Variants in COL24A1 observed in about 807,000 individuals in gnomAD.
The protein encoded by COL24A1 is collagen alpha-1(XXIV) chain.
Under a neutral mutation model 253.9 loss-of-function variants are expected in COL24A1, and 224 were observed. The observed-to-expected ratio is 0.88, with a 90% CI of 0.79 to 0.99. The LOEUF (loss-of-function observed/expected upper bound fraction) is 0.99, where lower values mean the gene tolerates loss of function less well. Among genes scored for constraint, COL24A1 ranks in the 50% least tolerant of loss-of-function variants. The pLI, the probability that COL24A1 is intolerant of heterozygous loss-of-function variation, is 0.00. For missense variants in COL24A1, 2,131 were observed against 2,068.5 expected (o/e 1.03, Z -0.59); for synonymous variants, 685 against 673.7 (o/e 1.02, Z -0.26).
Position 85,803,089 on chromosome 1 carries a change from T to C in COL24A1, c.3951+13699A>G, listed in dbSNP as rs547990036. Among the ~76,000 whole-genome samples, 199 of 152,316 alleles carry C rather than the reference T, an allele frequency of 1.3e-3. 1 individual carries two copies. Among genetic ancestry groups the C allele is most frequent in the Non-Finnish European group, 2.0e-3 (138 of 68,032 alleles). ...TTCTCTTGGCTAGGAATAGAATGGC[T>C]GGGTTATATGTTAGAAATATGTTAA... On this transcript the variant is annotated intron_variant, in intron 47 of 59. Coordinates refer to ENST00000370571, the MANE Select transcript of COL24A1 (RefSeq NM_152890.7).
intron 10 of COL24A1, among the ~76,000 whole-genome samples, chr1:86,056,422 C>A (rs1700665783): frequency 6.6e-6 from 1 of 152,134 alleles, no homozygotes; most frequent in African/African-American, 2.4e-5. Flanking sequence ...CAGGCCTGTT[C>A]TCCTACATCA....
In COL24A1 at chr1:86,077,732, C is replaced by A. The variant is rs142914389; in HGVS notation, c.1707+11442G>T. 2.5e-3 allele frequency among the ~76,000 whole-genome samples: 375 copies of A among 151,990 alleles called. 10 individuals are homozygous for A. The East Asian group carries it at 0.046, about 19-fold the overall frequency. The stretch of plus-strand genomic sequence containing the variant: ...AAACCATCATTCTTAGCAAACTAAC[C>A]CAGGAACAGAAAACAAAACACTGCA... On this transcript the variant is annotated intron_variant, in intron 7 of 59. Coordinates refer to ENST00000370571, the MANE Select transcript of COL24A1 (RefSeq NM_152890.7).
At chr1:85,769,303 A>C (rs887221275) in intron 53 of COL24A1, among the ~76,000 whole-genome samples, 1 of 152,222 alleles carries the variant, frequency 6.6e-6, no homozygotes, top group Non-Finnish European at 1.5e-5. Flanking sequence ...ACAACAAAAA[A>C]CAAATAAATA....
chr1:85,827,606 G>A (rs139368232), intron 43 of COL24A1, among the ~76,000 whole-genome samples: 1,601 of 152,010 alleles, frequency 0.011, 27 homozygotes, highest in African/African-American at 0.036. Flanking sequence ...ATTTCAGCTC[G>A]TTATTGATCT....
At chr1:85,997,055 G>GTGTGTGTGTGTGTGTGTGTGTATATATA in intron 19 of COL24A1, among the ~76,000 whole-genome samples, 1 of 95,120 alleles carries the variant, frequency 1.1e-5, no homozygotes, top group Non-Finnish European at 2.4e-5. Context: ...GTGTGTGTGT[G>GTGTGTGTGTGTGTGTGTGTGTATATATA]TATATATATA....
At chr1:85,796,780 T>C (rs1348478924) in intron 47 of COL24A1, among the ~76,000 whole-genome samples, 1 of 152,226 alleles carries the variant, frequency 6.6e-6, no homozygotes, top group Non-Finnish European at 1.5e-5. Flanking sequence ...TTGATTCTTA[T>C]AAAAACCATA....
chr1:85,856,993 A>C (rs546356214), intron 37 of COL24A1, among the ~76,000 whole-genome samples: 1 of 152,204 alleles, frequency 6.6e-6, no homozygotes, highest in African/African-American at 2.4e-5. Context: ...AAAGAGAAGC[A>C]TGGAGGTTTT....
chr1:86,030,747 T>C (rs1201868673), intron 14 of COL24A1, among the ~76,000 whole-genome samples: 1 of 132,960 alleles, frequency 7.5e-6, no homozygotes, highest in African/African-American at 3.0e-5. Context: ...TTCTTTTTTC[T>C]TTCTTTTTTT....
intron 2 of COL24A1, among the ~76,000 whole-genome samples, chr1:86,132,804 C>T (rs1233547731): frequency 6.6e-6 from 1 of 152,110 alleles, no homozygotes; most frequent in Non-Finnish European, 1.5e-5. Context: ...TAGTGTGATG[C>T]CTCCAGCTTT....
chr1:85,803,087 G>C (rs1671601090), intron 47 of COL24A1, among the ~76,000 whole-genome samples: 2 of 152,126 alleles, frequency 1.3e-5, no homozygotes, highest in African/African-American at 4.8e-5. Flanking sequence ...GAATAGAATG[G>C]CTGGGTTATA....
At chr1:86,029,748 A>G (rs76052536) in intron 14 of COL24A1, 13,178 of 151,816 alleles carry the variant, frequency 0.087, 703 homozygotes, top group Middle Eastern at 0.18. Flanking sequence ...CCTAAACAGC[A>G]GAGACTACAG....
chr1:85,771,151 G>A lies in COL24A1; in HGVS notation c.4374+4523C>T, dbSNP rs926104968. On this transcript the variant is annotated intron_variant, in intron 53 of 59. Coordinates refer to ENST00000370571, the MANE Select transcript of COL24A1 (RefSeq NM_152890.7). ...AAGTTCTGGGTTACATGTGCAGAAC[G>A]TGCAGGTTTGTTGCATAGGTATATT... Among the ~76,000 whole-genome samples the A allele has an allele frequency of 2.4e-4, 37 of 152,016 alleles. 1 individual carries two copies. Among genetic ancestry groups the A allele is most frequent in the African/African-American group, 7.2e-4 (30 of 41,402 alleles).
At chr1:86,012,943 G>A (rs186457916) in intron 19 of COL24A1, among the ~76,000 whole-genome samples, 15 of 143,438 alleles carry the variant, frequency 1.0e-4, no homozygotes, top group East Asian at 1.9e-4. Flanking sequence ...AATGTGTCCT[G>A]TCTTCAATTA....
intron 24 of COL24A1, among the ~76,000 whole-genome samples, chr1:85,950,741 T>C (rs576770407): frequency 6.6e-6 from 1 of 152,176 alleles, no homozygotes; most frequent in African/African-American, 2.4e-5. Context: ...CATATTCAAA[T>C]AAAAAATGGC....
At chr1:86,145,903 G>A (rs1467680828) in intron 2 of COL24A1, among the ~76,000 whole-genome samples, 1 of 151,910 alleles carries the variant, frequency 6.6e-6, no homozygotes, top group African/African-American at 2.4e-5. Flanking sequence ...AAAAATGTAA[G>A]CAATTTCACA....
chr1:85,823,898 G>C (rs1673925809), intron 43 of COL24A1, among the ~76,000 whole-genome samples, 160 bp from the exon 44 acceptor site: 1 of 152,010 alleles, frequency 6.6e-6, no homozygotes, highest in Non-Finnish European at 1.5e-5. Flanking sequence ...CATAATAGCT[G>C]TTGGATATTA....
At chr1:85,800,367 C>A (rs1038943492) in intron 47 of COL24A1, among the ~76,000 whole-genome samples, 1 of 152,198 alleles carries the variant, frequency 6.6e-6, no homozygotes, top group Admixed American at 6.5e-5. Context: ...TTCCTGCCCC[C>A]AACCTGACAA....
intron 7 of COL24A1, among the ~76,000 whole-genome samples, chr1:86,086,366 C>G (rs1703066328): frequency 6.6e-6 from 1 of 152,134 alleles, no homozygotes. Flanking sequence ...GCACATGTCC[C>G]TGACCTGAGA....
chr1:85,919,408 G>C (rs999051541), intron 24 of COL24A1, among the ~76,000 whole-genome samples: 1 of 152,242 alleles, frequency 6.6e-6, no homozygotes, highest in Non-Finnish European at 1.5e-5. Flanking sequence ...GCCAGGCATG[G>C]TGGCTCATGC....
Sources: gnomAD v4.1 joint callset for allele counts (sites outside exome capture counted in the v4.1 genomes callset) on GRCh38, gnomAD v4.1.1 for gene constraint, MANE v1.5 for transcripts, NCBI Gene and HGNC (gene_info 2026-07-23, HGNC 2026-07-21) for gene names.